The following PRIM2 variants were observed in gnomAD, a reference collection of about 807,000 sequenced individuals.
PRIM2 encodes DNA primase subunit 2.
Under a neutral mutation model 67.3 loss-of-function variants are expected in PRIM2, and 39 were observed. That is an observed-to-expected ratio of 0.58 (90% CI 0.45 to 0.76). The LOEUF (loss-of-function observed/expected upper bound fraction) is 0.76, where lower values mean the gene tolerates loss of function less well. Ranked by LOEUF, PRIM2 falls within the 30% of genes least tolerant of loss-of-function variation. The pLI, the probability that PRIM2 is intolerant of heterozygous loss-of-function variation, is 0.00. For synonymous variants in PRIM2, 143 were observed against 198.7 expected, an observed-to-expected ratio of 0.72 and a Z score of 2.36; for missense variants, 398 against 598.7, an observed-to-expected ratio of 0.66 and a Z score of 3.50.
intron 7 of PRIM2, among the ~76,000 whole-genome samples, chr6:57,435,880 A>G (rs1771995378): frequency 6.6e-6 from 1 of 152,156 alleles, no homozygotes; most frequent in Non-Finnish European, 1.5e-5. Flanking sequence ...TAATGCACCA[A>G]TGGGGTATAT....
chr6:57,387,356 C>T (rs1770187521), intron 7 of PRIM2, among the ~76,000 whole-genome samples: 2 of 152,042 alleles, frequency 1.3e-5, no homozygotes, highest in African/African-American at 4.8e-5. Context: ...TTTATACATA[C>T]TGTTAATCCC....
chr6:57,281,315 C>A, the PRIM2 span, among the ~76,000 whole-genome samples: 1 of 152,108 alleles, frequency 6.6e-6, no homozygotes, highest in African/African-American at 2.4e-5. Context: ...TATATATACC[C>A]AGCAGTGGAA....
At chr6:57,565,868 AT>A (rs1489558048) in intron 10 of PRIM2, among the ~76,000 whole-genome samples, 2 of 152,170 alleles carry the variant, frequency 1.3e-5, no homozygotes, top group Non-Finnish European at 2.9e-5. Context: ...ATTAGCAATA[AT>A]TTTTGGTGAC....
intron 4 of PRIM2, among the ~76,000 whole-genome samples, chr6:57,325,443 G>A (rs1053342450): frequency 6.6e-6 from 1 of 151,838 alleles, no homozygotes; most frequent in African/African-American, 2.4e-5. Context: ...TGGGACTATA[G>A]GCACATGCTA....
At chr6:57,628,524 A>C (rs1776992382) in intron 12 of PRIM2, among the ~76,000 whole-genome samples, 1 of 152,182 alleles carries the variant, frequency 6.6e-6, no homozygotes, top group South Asian at 2.1e-4. Flanking sequence ...AGGGGGGCAC[A>C]TGTGCAGGTT....
Position 57,626,839 on chromosome 6 carries a change from T to C in PRIM2, c.1231-5294T>C, listed in dbSNP as rs1397571679. ...CAGGGTTTCTCTGTGTTGCCTAGGC[T>C]GGTCTTGAACTCCTGGACTTAAGCA... On this transcript the variant is annotated intron_variant, in intron 12 of 13. Transcript: ENST00000615550. Among the ~76,000 whole-genome samples, 1,351 of 152,160 alleles carry C rather than the reference T, an allele frequency of 8.9e-3. 19 individuals carry two copies. The highest frequency in any genetic ancestry group is 0.031 in the African/African-American group (1,273 of 41,524).
At chr6:57,508,627 A>G (rs1554347427) in intron 8 of PRIM2, among the ~76,000 whole-genome samples, 3 of 152,298 alleles carry the variant, frequency 2.0e-5, no homozygotes, top group African/African-American at 7.2e-5. Flanking sequence ...TATTCTACCT[A>G]TACACTTATA....
In PRIM2 at chr6:57,476,176, T is replaced by C. The variant is rs1313099620; in HGVS notation, c.694-31211T>C. On this transcript the variant is annotated intron_variant, in intron 7 of 13. Coordinates refer to ENST00000615550, the MANE Select transcript of PRIM2 (RefSeq NM_000947.5). ...TAAACATGAGTCATTATTGGAATTA[T>C]TGTAGTTTAAAACTAATAAATAGTA... Among the ~76,000 whole-genome samples the C allele has an allele frequency of 4.1e-4, 63 of 152,326 alleles. 1 individual carries two copies. Among genetic ancestry groups the C allele is most frequent in the African/African-American group, 1.1e-3 (46 of 41,568 alleles).
At chr6:57,333,051 T>C (rs1349194678) in intron 5 of PRIM2, among the ~76,000 whole-genome samples, 1 of 152,172 alleles carries the variant, frequency 6.6e-6, no homozygotes, top group African/African-American at 2.4e-5. Context: ...TTCTTCGTGG[T>C]TTCCCTTAGA....
chr6:57,386,203 T>C (rs914942080), intron 7 of PRIM2, among the ~76,000 whole-genome samples: 2 of 151,344 alleles, frequency 1.3e-5, no homozygotes, highest in African/African-American at 4.9e-5. Context: ...CTGGGCAACA[T>C]AGTGAGAATC....
chr6:57,638,598 AAGC>A lies in PRIM2; in HGVS notation c.1299+6400_1299+6402del, dbSNP rs1410294930. Among the ~76,000 whole-genome samples the A allele has an allele frequency of 1.4e-3, 211 of 149,248 alleles. 1 individual carries two copies. Among genetic ancestry groups the A allele is most frequent in the African/African-American group, 4.8e-3 (196 of 40,438 alleles). ...AAGCAAAAAAAAAAAAAAAAAAAAA[AAGC>A]AGGGATTGCAATCCTATTCTCTGAT... On this transcript the variant is annotated intron_variant, in intron 13 of 13. Transcript: ENST00000615550.
the PRIM2 span, among the ~76,000 whole-genome samples, chr6:57,298,630 T>A: frequency 6.6e-6 from 1 of 152,030 alleles, no homozygotes; most frequent in East Asian, 1.9e-4. Context: ...AGTGGTGGAT[T>A]CCCCTTCATT....
intron 10 of PRIM2, among the ~76,000 whole-genome samples, chr6:57,586,243 A>T (rs1776184830): frequency 6.6e-6 from 1 of 152,220 alleles, no homozygotes; most frequent in Non-Finnish European, 1.5e-5. Flanking sequence ...AGAATCATTG[A>T]GCGCTAGCCT....
In PRIM2 at chr6:57,556,368, TC is replaced by T. The variant is rs1775513686; in HGVS notation, c.1020+18744del. 3.3e-5 allele frequency among the ~76,000 whole-genome samples: 5 copies of T among 152,256 alleles called. No individual in the cohort carries two copies. The South Asian group carries it at 8.3e-4, about 25-fold the overall frequency. On this transcript the variant is annotated intron_variant, in intron 10 of 13. Coordinates refer to ENST00000615550, the MANE Select transcript of PRIM2 (RefSeq NM_000947.5). ...AGCAAAAAGAACAAAGCTGGAGGCATCATGTTATCTGACTTCAAACTATACT... is the reference window on the plus strand; with the variant it reads ...AGCAAAAAGAACAAAGCTGGAGGCATATGTTATCTGACTTCAAACTATACT...
At chr6:57,620,771 A>T (rs1776838610) in intron 12 of PRIM2, among the ~76,000 whole-genome samples, 1 of 152,280 alleles carries the variant, frequency 6.6e-6, no homozygotes, top group African/African-American at 2.4e-5. Context: ...TGCTCCACTT[A>T]AAAGGTACAG....
chr6:57,619,727 G>T (rs1291234673), intron 12 of PRIM2, among the ~76,000 whole-genome samples: 1 of 152,104 alleles, frequency 6.6e-6, no homozygotes, highest in African/African-American at 2.4e-5. Flanking sequence ...AAAGAAAAAA[G>T]AATAAGAAAA....
chr6:57,440,673 A>T (rs4629676), intron 7 of PRIM2, among the ~76,000 whole-genome samples: 71 of 152,302 alleles, frequency 4.7e-4, no homozygotes, highest in African/African-American at 1.7e-3. Flanking sequence ...ATCTTTTGAC[A>T]TTGAGGGAAT....
the PRIM2 span, among the ~76,000 whole-genome samples, chr6:57,289,839 C>T: frequency 3.9e-5 from 6 of 152,130 alleles, no homozygotes; most frequent in African/African-American, 1.4e-4. Flanking sequence ...TGGTACCACC[C>T]ACTACAAAAA....
At chr6:57,612,596 A>G (rs1249277591) in intron 12 of PRIM2, among the ~76,000 whole-genome samples, 1 of 152,164 alleles carries the variant, frequency 6.6e-6, no homozygotes, top group Non-Finnish European at 1.5e-5. Flanking sequence ...ATTTTTGGGT[A>G]ATGGGAATGA....
Sources: gnomAD v4.1 joint callset for allele counts (sites outside exome capture counted in the v4.1 genomes callset) on GRCh38, gnomAD v4.1.1 for gene constraint, MANE v1.5 for transcripts, NCBI Gene and HGNC (gene_info 2026-07-23, HGNC 2026-07-21) for gene names.